Variants in PRKN observed in about 807,000 individuals in gnomAD.
PRKN encodes E3 ubiquitin-protein ligase parkin.
In PRKN, 56 loss-of-function variants were observed where a neutral mutation model predicts 59.5. The observed-to-expected ratio is 0.94, with a 90% CI of 0.76 to 1.18. The LOEUF is 1.18. Among genes scored for constraint, PRKN ranks in the 50% most tolerant of loss-of-function variants. The pLI is 0.00. For synonymous variants in PRKN, 250 were observed against 222.1 expected (o/e 1.13, Z -1.12); for missense variants, 657 against 596.4 (o/e 1.10, Z -1.06).
intron 6 of PRKN, among the ~76,000 whole-genome samples, chr6:161,931,348 G>T (rs549388907): frequency 6.6e-6 from 1 of 152,238 alleles, no homozygotes; most frequent in African/African-American, 2.4e-5. Flanking sequence ...TGAGGCAAGA[G>T]AATTGCTTGA....
intron 6 of PRKN, among the ~76,000 whole-genome samples, chr6:161,864,648 T>C (rs1315566156): frequency 2.0e-5 from 3 of 151,976 alleles, no homozygotes; most frequent in African/African-American, 7.3e-5. Context: ...GTTTGTTTGT[T>C]TTTGTTTTAG....
rs1237418546 is a variant in PRKN, at chr6:161,401,633, A to T, written c.1084-14756T>A. 6.6e-6 allele frequency among the ~76,000 whole-genome samples: 1 copy of T among 152,138 alleles called. No individual in the cohort carries two copies. The highest frequency in any genetic ancestry group is 1.5e-5 in the Non-Finnish European group (1 of 68,032). ...TGTCCCCACTCCCCACCAAAAAAAA[A>T]AAATTAGAGTACTGATCTGGATTTC... On this transcript the variant is annotated intron_variant, in intron 9 of 11. Coordinates refer to ENST00000366898, the MANE Select transcript of PRKN (RefSeq NM_004562.3). This position sits in a 1 kb window ranked among gnomAD's most constrained non-coding sequence, Gnocchi z 4.4.
chr6:162,071,785 T>C (rs556019324), intron 4 of PRKN, among the ~76,000 whole-genome samples: 1 of 151,960 alleles, frequency 6.6e-6, no homozygotes, highest in East Asian at 1.9e-4. Context: ...TCAGTAGAGA[T>C]GGGGTTTTAC....
intron 6 of PRKN, among the ~76,000 whole-genome samples, chr6:161,833,608 C>T (rs1429803618): frequency 3.3e-5 from 5 of 152,132 alleles, no homozygotes; most frequent in Non-Finnish European, 7.3e-5. Context: ...CTCCCACAGA[C>T]TCCCCTCGGA....
intron 3 of PRKN, among the ~76,000 whole-genome samples, chr6:162,259,349 C>A (rs142166007): frequency 9.2e-5 from 14 of 152,298 alleles, no homozygotes; most frequent in African/African-American, 3.4e-4. Context: ...AGCCATAGGG[C>A]AGAGTTTCTC....
chr6:162,656,303 A>G (rs981014393), intron 1 of PRKN, among the ~76,000 whole-genome samples: 1 of 152,214 alleles, frequency 6.6e-6, no homozygotes, highest in South Asian at 2.1e-4. Context: ...AGATTCTACA[A>G]TGAGCTTTAA....
Position 162,009,693 on chromosome 6 carries a change from T to C in PRKN, c.619-36276A>G, listed in dbSNP as rs1335298673. Among the ~76,000 whole-genome samples the C allele has an allele frequency of 2.0e-5, 3 of 151,674 alleles. 1 individual carries two copies. The highest frequency in any genetic ancestry group is 7.3e-5 in the African/African-American group (3 of 41,110). Reference sequence around the variant, plus strand: ...GCTCATGCCTGTAATCCCAGCACTTTGGGAAGCTGAGGCAGGTAGATCACT... The same window carrying C: ...GCTCATGCCTGTAATCCCAGCACTTCGGGAAGCTGAGGCAGGTAGATCACT... On this transcript the variant is annotated intron_variant, in intron 5 of 11. Transcript: ENST00000366898.
At chr6:162,634,755 C>G (rs1439118107) in intron 1 of PRKN, among the ~76,000 whole-genome samples, 1 of 152,158 alleles carries the variant, frequency 6.6e-6, no homozygotes, top group East Asian at 1.9e-4. Flanking sequence ...TCCCAAGTAG[C>G]TGGGACTAAA....
At chr6:162,428,570 T>C (rs1789355200) in intron 2 of PRKN, among the ~76,000 whole-genome samples, 1 of 152,156 alleles carries the variant, frequency 6.6e-6, no homozygotes, top group South Asian at 2.1e-4. Context: ...CCTGGTGGCA[T>C]CAACATCTAA....
intron 4 of PRKN, among the ~76,000 whole-genome samples, chr6:162,162,444 CTGTT>C (rs1299393298): frequency 3.3e-5 from 5 of 152,240 alleles, no homozygotes; most frequent in East Asian, 1.9e-4. Flanking sequence ...TGAGGCACGA[CTGTT>C]TGTATTGGGT....
chr6:162,150,627 AC>A (rs1479679548), intron 4 of PRKN, among the ~76,000 whole-genome samples: 19 of 152,338 alleles, frequency 1.2e-4, no homozygotes, highest in Admixed American at 3.9e-4. Context: ...TCCTGCCTTT[AC>A]AAAGGCTCAT....
At position 161,396,119 on chromosome 6, in the gene PRKN, G is replaced by A. The variant is rs545709752; in HGVS notation, c.1084-9242C>T. Among the ~76,000 whole-genome samples, 93 of 152,246 alleles carry A rather than the reference G, an allele frequency of 6.1e-4. 1 individual carries two copies. In the South Asian group the frequency reaches 0.011, roughly 18 times the overall value. On this transcript the variant is annotated intron_variant, in intron 9 of 11. Transcript: ENST00000366898. The surrounding 1 kb of genome is among the most constrained non-coding windows in gnomAD (Gnocchi z 5.4). Reference sequence around the variant, plus strand: ...TGGGGTGGGAGTGCTGTATGCTCTCGGTCCCTAATCCCCCGCCTCTTTTCT... The same window carrying A: ...TGGGGTGGGAGTGCTGTATGCTCTCAGTCCCTAATCCCCCGCCTCTTTTCT...
At chr6:162,040,995 G>T (rs1036574369) in intron 5 of PRKN, among the ~76,000 whole-genome samples, 2 of 151,124 alleles carry the variant, frequency 1.3e-5, no homozygotes, top group Non-Finnish European at 2.9e-5. Flanking sequence ...GACCAGCCTG[G>T]CCAACATGGT....
chr6:162,442,848 C>T (rs903933507), intron 2 of PRKN, among the ~76,000 whole-genome samples: 1 of 152,176 alleles, frequency 6.6e-6, no homozygotes, highest in African/African-American at 2.4e-5. Context: ...CCCACACCTC[C>T]TCTAGCGCAG....
intron 2 of PRKN, among the ~76,000 whole-genome samples, chr6:162,296,231 G>GC (rs1351144182): frequency 5.1e-5 from 2 of 39,008 alleles, no homozygotes; most frequent in African/African-American, 1.0e-4. Context: ...CCCCTTCTAT[G>GC]CCCCCCACCC....
chr6:162,055,860 T>TGGGC (rs1233038428), intron 4 of PRKN, among the ~76,000 whole-genome samples: 1 of 151,766 alleles, frequency 6.6e-6, no homozygotes, highest in African/African-American at 2.4e-5. Context: ...CCGTGGGAGG[T>TGGGC]GGGCAGGGGT....
rs138456876 is a variant in PRKN, at chr6:162,077,860, C to T, written c.535-23686G>A. 8.2e-3 allele frequency among the ~76,000 whole-genome samples: 1,244 copies of T among 151,644 alleles called. 35 individuals are homozygous for T. The highest frequency in any genetic ancestry group is 0.028 in the African/African-American group (1,166 of 41,236). ...ACTAAAAATACAAAAATTAGTCAGT[C>T]ATGGTGACATTTGCCTGTAATCCCA... On this transcript the variant is annotated intron_variant, in intron 4 of 11. Coordinates refer to ENST00000366898, the MANE Select transcript of PRKN (RefSeq NM_004562.3).
Position 162,357,445 on chromosome 6 carries a change from C to T in PRKN, c.171+85865G>A, listed in dbSNP as rs543679634. Among the ~76,000 whole-genome samples, 43 of 152,224 alleles carry T rather than the reference C, an allele frequency of 2.8e-4. 1 individual carries two copies. Among genetic ancestry groups the T allele is most frequent in the Non-Finnish European group, 3.7e-4 (25 of 68,048 alleles). On this transcript the variant is annotated intron_variant, in intron 2 of 11. Transcript: ENST00000366898. ...AGAAATAAAACAAAATTAGATAGTA[C>T]TGCCCACCTAGTTGATGGCTAAAAT... is the stretch of plus-strand genomic sequence containing the variant.
At chr6:161,907,729 C>T (rs957419455) in intron 6 of PRKN, among the ~76,000 whole-genome samples, 4 of 152,070 alleles carry the variant, frequency 2.6e-5, no homozygotes, top group African/African-American at 7.2e-5. Context: ...TCGAAAGGAC[C>T]AAACAGCGCT....
Sources: gnomAD v4.1 joint callset for allele counts (sites outside exome capture counted in the v4.1 genomes callset) on GRCh38, gnomAD v4.1.1 for gene constraint, Gnocchi (gnomAD v3.1) non-coding constraint, MANE v1.5 for transcripts, NCBI Gene and HGNC (gene_info 2026-07-23, HGNC 2026-07-21) for gene names.